Variants in CCDC63 observed in about 807,000 individuals in gnomAD.
CCDC63 encodes coiled-coil domain containing 63.
Under a neutral mutation model 63.6 loss-of-function variants are expected in CCDC63, and 54 were observed. The ratio of observed to expected loss-of-function variants is 0.85; its 90% CI spans 0.68 to 1.07. The LOEUF (loss-of-function observed/expected upper bound fraction) is 1.07, where lower values mean the gene tolerates loss of function less well. Ranked by LOEUF, CCDC63 falls within the 50% of genes least tolerant of loss-of-function variation. The pLI is 0.00. For synonymous variants in CCDC63, 253 were observed against 266.1 expected (o/e 0.95, Z 0.48); for missense variants, 637 against 689.6 (o/e 0.92, Z 0.86).
intron 4 of CCDC63, among the ~76,000 whole-genome samples, chr12:110,868,612 T>C (rs1289043664): frequency 6.6e-6 from 1 of 151,226 alleles, no homozygotes; most frequent in Non-Finnish European, 1.5e-5. Flanking sequence ...TCGCAGGCAT[T>C]CGGCAGACTG....
chr12:110,862,401 G>A (rs1468990141), intron 4 of CCDC63, among the ~76,000 whole-genome samples: 1 of 152,208 alleles, frequency 6.6e-6, no homozygotes, highest in African/African-American at 2.4e-5. Flanking sequence ...GGCCTTCCTC[G>A]CAAAATAGTT....
At chr12:110,859,999 A>G (rs1251584308) in intron 4 of CCDC63, among the ~76,000 whole-genome samples, 1 of 151,444 alleles carries the variant, frequency 6.6e-6, no homozygotes, top group African/African-American at 2.4e-5. Flanking sequence ...TCCAGGTTAT[A>G]CCTCCCTGTG....
At chr12:110,903,867 A>G (rs1390602626) in intron 10 of CCDC63, among the ~76,000 whole-genome samples, 1 of 152,194 alleles carries the variant, frequency 6.6e-6, no homozygotes, top group Non-Finnish European at 1.5e-5. Flanking sequence ...ACACTGGGGC[A>G]AGCCAGGAGT....
At chr12:110,867,848 TC>T (rs2070993213) in intron 4 of CCDC63, among the ~76,000 whole-genome samples, 1 of 151,508 alleles carries the variant, frequency 6.6e-6, no homozygotes, top group African/African-American at 2.4e-5. Context: ...GCCCCTCACC[TC>T]CCGGACGGGG....
chr12:110,893,920 C>T (rs995888103), intron 9 of CCDC63, among the ~76,000 whole-genome samples: 1 of 151,106 alleles, frequency 6.6e-6, no homozygotes, highest in African/African-American at 2.4e-5. Flanking sequence ...ATTGCTTAAG[C>T]CTGGGAGGTG....
At chr12:110,891,218 G>A (rs922855183) in intron 8 of CCDC63, among the ~76,000 whole-genome samples, 5 of 152,250 alleles carry the variant, frequency 3.3e-5, no homozygotes, top group Non-Finnish European at 7.4e-5. Context: ...GGCTGAGATG[G>A]GAGGATCGCT....
At chr12:110,898,867 A>C in intron 9 of CCDC63, 66 bp from the exon 10 acceptor site, 3 of 1,341,910 alleles carry the variant, frequency 2.2e-6, no homozygotes, top group Non-Finnish European at 3.0e-6. Context: ...CTGACCCCAG[A>C]GGGTCCCAAA....
intron 8 of CCDC63, among the ~76,000 whole-genome samples, chr12:110,888,822 C>G (rs1018979692): frequency 1.5e-5 from 2 of 136,290 alleles, no homozygotes; most frequent in Non-Finnish European, 3.0e-5. Context: ...TCCTTCCTTC[C>G]TTCCTTCCTT....
At chr12:110,882,114 G>A (rs1050896072) in intron 7 of CCDC63, among the ~76,000 whole-genome samples, 2 of 152,182 alleles carry the variant, frequency 1.3e-5, no homozygotes, top group Non-Finnish European at 2.9e-5. Flanking sequence ...CAGGGAGAAG[G>A]TGTGTGGTCC....
At chr12:110,847,756 A>G (rs2070658488) in intron 1 of CCDC63, among the ~76,000 whole-genome samples, 1 of 152,206 alleles carries the variant, frequency 6.6e-6, no homozygotes, top group South Asian at 2.1e-4. Flanking sequence ...CCCTGGCTCA[A>G]TATGATCCAC....
chr12:110,846,767 G>A (rs1302878824), upstream of CCDC63: 1 of 152,246 alleles, frequency 6.6e-6, no homozygotes, highest in East Asian at 1.9e-4. Flanking sequence ...AAGTCACTTA[G>A]CGTCATGAGG....
At chr12:110,886,754 T>C (rs921724410) in intron 8 of CCDC63, among the ~76,000 whole-genome samples, 1 of 151,426 alleles carries the variant, frequency 6.6e-6, no homozygotes, top group African/African-American at 2.4e-5. Context: ...AGGCAGGGCA[T>C]GGGGAGGTGT....
intron 4 of CCDC63, among the ~76,000 whole-genome samples, chr12:110,864,323 C>T (rs779320819): frequency 8.6e-5 from 13 of 151,974 alleles, no homozygotes; most frequent in Non-Finnish European, 1.8e-4. Context: ...CTGAGTCCTA[C>T]ACAGTTGCCT....
upstream of CCDC63, among the ~76,000 whole-genome samples, chr12:110,844,892 G>A (rs1388363996): frequency 1.3e-5 from 2 of 152,194 alleles, no homozygotes; most frequent in African/African-American, 2.4e-5. Context: ...GAGTCACTTG[G>A]ACTGTCAGTT....
chr12:110,875,293 G>A (rs893703199), intron 5 of CCDC63, among the ~76,000 whole-genome samples: 4 of 152,286 alleles, frequency 2.6e-5, no homozygotes, highest in African/African-American at 7.2e-5. Flanking sequence ...CATCTGCACC[G>A]TTATTAGCAA....
At chr12:110,853,623 G>C in intron 3 of CCDC63, 49 bp downstream of exon 3, 2 of 1,608,058 alleles carry the variant, frequency 1.2e-6, no homozygotes, top group Non-Finnish European at 1.7e-6. Flanking sequence ...AGGAAAGTTG[G>C]GGTTGGGCTT....
chr12:110,850,728 C>T (rs1019198139), intron 1 of CCDC63, among the ~76,000 whole-genome samples: 10 of 152,012 alleles, frequency 6.6e-5, no homozygotes, highest in South Asian at 4.1e-4. Flanking sequence ...GCAACAAGAG[C>T]GAAATTCTGT....
rs1204833469 is a variant in CCDC63 at position 110,865,890 on chromosome 12, A to G, written c.369+7115A>G. On this transcript the variant is annotated intron_variant, in intron 4 of 11. Coordinates refer to ENST00000308208, the MANE Select transcript of CCDC63 (RefSeq NM_152591.3). Reference sequence around the variant, plus strand: ...CGTGAAGGTCGGTGCAATGGCAGTCATCTTTTAACAATAAGGGAACTGTCA... The same window carrying G: ...CGTGAAGGTCGGTGCAATGGCAGTCGTCTTTTAACAATAAGGGAACTGTCA... 3.3e-5 allele frequency among the ~76,000 whole-genome samples: 5 copies of G among 152,352 alleles called. No individual in the cohort carries two copies. In the East Asian group the frequency reaches 9.6e-4, roughly 29 times the overall value.
At chr12:110,903,321 A>G (rs1029556164) in intron 10 of CCDC63, among the ~76,000 whole-genome samples, 5 of 152,106 alleles carry the variant, frequency 3.3e-5, no homozygotes, top group African/African-American at 7.2e-5. Context: ...AATATTTTTG[A>G]TCCCTGATTT....
Sources: gnomAD v4.1 joint callset for allele counts (sites outside exome capture counted in the v4.1 genomes callset) on GRCh38, gnomAD v4.1.1 for gene constraint, MANE v1.5 for transcripts, NCBI Gene and HGNC (gene_info 2026-07-23, HGNC 2026-07-21) for gene names.